Variants in IL31RA observed in about 807,000 individuals in gnomAD.
IL31RA encodes the protein interleukin-31 receptor subunit alpha.
IL31RA carries 66 observed loss-of-function variants against 83.7 expected under a neutral mutation model. The observed-to-expected ratio is 0.79, with a 90% CI of 0.65 to 0.97. IL31RA has a LOEUF of 0.97. IL31RA is among the 50% of genes least tolerant of loss of function. The pLI is 0.00. For synonymous variants in IL31RA, 325 were observed against 329.0 expected, an observed-to-expected ratio of 0.99 and a Z score of 0.13; for missense variants, 798 against 919.4, an observed-to-expected ratio of 0.87 and a Z score of 1.71.
chr5:55,880,489 TAAAA>T (rs1747141652), intron 4 of IL31RA, among the ~76,000 whole-genome samples: 1 of 152,010 alleles, frequency 6.6e-6, no homozygotes. Flanking sequence ...TTTTAAAAAT[TAAAA>T]AAAGAATTAC....
intron 13 of IL31RA, among the ~76,000 whole-genome samples, chr5:55,913,788 C>T (rs1318516963): frequency 6.6e-6 from 1 of 152,194 alleles, no homozygotes; most frequent in Non-Finnish European, 1.5e-5. Flanking sequence ...AGCTCCATGC[C>T]CAGGTCTAGG....
At position 55,904,835 on chromosome 5, in the gene IL31RA, C is replaced by CTTT. The variant is rs10651049; in HGVS notation, c.1070-1256_1070-1254dup. Among the ~76,000 whole-genome samples, 276 of 132,856 alleles carry CTTT rather than the reference C, an allele frequency of 2.1e-3. 5 individuals are homozygous for CTTT. Among genetic ancestry groups the CTTT allele is most frequent in the Admixed American group, 2.7e-3 (35 of 13,112 alleles). 87.2% of individuals were successfully genotyped at this position (132,856 alleles called of 152,430 possible). A position where few individuals can be genotyped will look rare whatever the true frequency, so the allele number is the denominator to read the frequency against. ...CCAGCTTCAAAAGACTTTTGGGTTTCTTTTTTTTTTTTTTTTTGCAGGACA... is the reference window on the plus strand; with the variant it reads ...CCAGCTTCAAAAGACTTTTGGGTTTCTTTTTTTTTTTTTTTTTTTTGCAGGACA... On this transcript the variant is annotated intron_variant, in intron 8 of 14. Coordinates refer to ENST00000652347, the MANE Select transcript of IL31RA (RefSeq NM_139017.7).
chr5:55,901,013 C>T lies in IL31RA; in HGVS notation c.1069+881C>T, dbSNP rs190009336. Among the ~76,000 whole-genome samples, 11 of 152,286 alleles carry T rather than the reference C, an allele frequency of 7.2e-5. No individual in the cohort carries two copies. The East Asian group carries it at 2.1e-3, about 29-fold the overall frequency. ...ATGTTCTCTCCAATTCACCACCTTT[C>T]TCTATTTGCTTACACCTAGACTGGT... is the stretch of plus-strand genomic sequence containing the variant. On this transcript the variant is annotated intron_variant, in intron 8 of 14. Coordinates refer to ENST00000652347, the MANE Select transcript of IL31RA (RefSeq NM_139017.7).
rs1750127339 is a variant in IL31RA at position 55,922,218 on chromosome 5, AGCT to A, written c.*5099_*5101del. ...CAGGCCACAATAGCCCTTGACACAG[AGCT>A]CTATGCAGGGCTGTGCTGCCCAAGA... On this transcript the variant is annotated 3_prime_UTR_variant, in exon 15 of 15. Coordinates refer to ENST00000652347, the MANE Select transcript of IL31RA (RefSeq NM_139017.7). 1.3e-5 allele frequency among the ~76,000 whole-genome samples: 2 copies of A among 151,932 alleles called. No individual in the cohort carries two copies. Among genetic ancestry groups the A allele is most frequent in the South Asian group, 4.1e-4 (2 of 4,820 alleles).
At chr5:55,844,205 GA>G in the IL31RA span, among the ~76,000 whole-genome samples, 1 of 151,920 alleles carries the variant, frequency 6.6e-6, no homozygotes, top group African/African-American at 2.4e-5. Context: ...AGTGTTAAGA[GA>G]AAAAAACCCC....
intron 7 of IL31RA, among the ~76,000 whole-genome samples, chr5:55,898,097 C>T (rs1044381048): frequency 6.6e-6 from 1 of 152,224 alleles, no homozygotes; most frequent in African/African-American, 2.4e-5. Context: ...GAATCAATCC[C>T]AGATGCTGTG....
the IL31RA span, among the ~76,000 whole-genome samples, chr5:55,845,031 T>G: frequency 1.3e-5 from 2 of 152,218 alleles, no homozygotes; most frequent in Non-Finnish European, 2.9e-5. Flanking sequence ...CTTTTTCCAC[T>G]CACCCTTAGC....
intron 1 of IL31RA, among the ~76,000 whole-genome samples, chr5:55,855,177 C>T (rs901074764): frequency 6.6e-6 from 1 of 152,050 alleles, no homozygotes; most frequent in Non-Finnish European, 1.5e-5. Flanking sequence ...GACAGTCTCA[C>T]TCTGCTGCCC....
At chr5:55,908,768 G>A (rs575875454) in intron 11 of IL31RA, 3 of 1,426,576 alleles carry the variant, frequency 2.1e-6, no homozygotes, top group Non-Finnish European at 2.7e-6. Flanking sequence ...CTGTCACCAT[G>A]ACTTCTACTG....
chr5:55,841,735 C>A, the IL31RA span, among the ~76,000 whole-genome samples: 1 of 152,146 alleles, frequency 6.6e-6, no homozygotes, highest in Non-Finnish European at 1.5e-5. Context: ...GGTCTATGAA[C>A]CACATGTAAC....
intron 5 of IL31RA, among the ~76,000 whole-genome samples, chr5:55,884,364 A>G (rs989098766): frequency 1.3e-5 from 2 of 152,232 alleles, no homozygotes; most frequent in African/African-American, 4.8e-5. Context: ...CTCAAAGTCA[A>G]GAAAATATTC....
At chr5:55,875,295 T>A (rs1447230456) in intron 4 of IL31RA, among the ~76,000 whole-genome samples, 3 of 152,216 alleles carry the variant, frequency 2.0e-5, no homozygotes, top group Non-Finnish European at 2.9e-5. Context: ...TTTTTGCTCC[T>A]ATATTCAACA....
At chr5:55,842,687 G>A in the IL31RA span, among the ~76,000 whole-genome samples, 455 of 152,092 alleles carry the variant, frequency 3.0e-3, 3 homozygotes, top group African/African-American at 0.011. Context: ...CTTTGTTTAC[G>A]TGTCCATTTT....
At chr5:55,864,072 G>A (rs965317899) in intron 2 of IL31RA, among the ~76,000 whole-genome samples, 1 of 152,094 alleles carries the variant, frequency 6.6e-6, no homozygotes, top group Non-Finnish European at 1.5e-5. Flanking sequence ...ATGACTGCAG[G>A]AGGCCGTAAT....
At chr5:55,875,401 C>T (rs1290949630) in intron 4 of IL31RA, among the ~76,000 whole-genome samples, 2 of 152,020 alleles carry the variant, frequency 1.3e-5, no homozygotes, top group East Asian at 3.8e-4. Flanking sequence ...TCCTCATCTT[C>T]TATTTTTTGG....
rs767701166 is a variant in IL31RA at position 55,872,451 on chromosome 5, G to A, written c.454G>A (p.Ala152Thr). 5 of 1,585,002 alleles carry A rather than the reference G, an allele frequency of 3.2e-6. No homozygotes were observed. The East Asian group carries it at 9.0e-5, about 28-fold the overall frequency. Residue 152 changes from alanine (A) to threonine (T), a missense_variant and splice_region_variant, in exon 4 of 15, where the codon GCG (alanine) becomes ACG (threonine). Transcript: ENST00000652347. Reference sequence around the variant, plus strand: ...GACATACTGGAGATTAGAGAACATAGGTAAGTGTTATTTGATACTCTTATA... The same window carrying A: ...GACATACTGGAGATTAGAGAACATAAGTAAGTGTTATTTGATACTCTTATA... ...HMTYWRLENI[A>T]KTEPPKIFRV...
At chr5:55,840,355 G>A in the IL31RA span, among the ~76,000 whole-genome samples, 70 of 152,138 alleles carry the variant, frequency 4.6e-4, 4 homozygotes, top group Admixed American at 4.6e-3. Context: ...ACTACTGCCT[G>A]GAAGCCAAGA....
the IL31RA span, chr5:55,839,897 C>T: frequency 6.8e-5 from 48 of 709,860 alleles, no homozygotes; most frequent in Non-Finnish European, 1.1e-4. Flanking sequence ...GTAGATGAAA[C>T]GAATACCTTG....
At chr5:55,913,980 T>C (rs1028642974) in intron 13 of IL31RA, among the ~76,000 whole-genome samples, 1 of 152,330 alleles carries the variant, frequency 6.6e-6, no homozygotes, top group African/African-American at 2.4e-5. Flanking sequence ...CTCCACGGTG[T>C]TGGAGTGCTG....
Sources: allele counts gnomAD v4.1 joint callset (sites outside exome capture counted in the v4.1 genomes callset), GRCh38; gene constraint gnomAD v4.1.1; transcripts MANE v1.5; gene names NCBI Gene and HGNC (gene_info 2026-07-23, HGNC 2026-07-21).